NEK9: variants seen among roughly 807,000 people sequenced by gnomAD.
The protein encoded by NEK9 is NIMA related kinase 9, also known as serine/threonine-protein kinase Nek9.
Under a neutral mutation model 123.4 loss-of-function variants are expected in NEK9, and 75 were observed. That is an observed-to-expected ratio of 0.61 (90% CI 0.50 to 0.74). The LOEUF (loss-of-function observed/expected upper bound fraction) is 0.74, where lower values mean the gene tolerates loss of function less well. Ranked by LOEUF, NEK9 falls within the 30% of genes least tolerant of loss-of-function variation. NEK9 has a pLI of 0.00. For missense variants in NEK9, 952 were observed against 1,214.4 expected, an observed-to-expected ratio of 0.78 and a Z score of 3.21; for synonymous variants, 438 against 458.7, an observed-to-expected ratio of 0.95 and a Z score of 0.58.
chr14:75,124,372 A>T, intron 1 of NEK9, 149 bp from the exon 2 acceptor site: 1 of 609,186 alleles, frequency 1.6e-6, no homozygotes, highest in Non-Finnish European at 2.9e-6. Flanking sequence ...TTTAAAGGTT[A>T]TGTGTACAAT....
At chr14:75,112,713 C>T (rs12897094) in intron 8 of NEK9, among the ~76,000 whole-genome samples, 67,694 of 151,994 alleles carry the variant, frequency 0.45, 16,418 homozygotes, top group East Asian at 0.84. Context: ...TCCTAGCTAC[C>T]TGGGAGGCTG....
intron 18 of NEK9, among the ~76,000 whole-genome samples, chr14:75,092,819 A>G (rs986092835): frequency 2.6e-5 from 4 of 151,760 alleles, no homozygotes; most frequent in Admixed American, 6.6e-5. Flanking sequence ...CTTACTCCTC[A>G]GGGATCCTTG....
At chr14:75,106,183 C>T (rs1253604593) in intron 12 of NEK9, 187 bp from the exon 13 acceptor site, 4 of 606,876 alleles carry the variant, frequency 6.6e-6, no homozygotes, top group Non-Finnish European at 1.2e-5. Context: ...TGTGGTGAAA[C>T]CCCATCTCTA....
intron 21 of NEK9, 173 bp from the exon 22 acceptor site, chr14:75,084,859 C>CCTG: frequency 2.8e-6 from 2 of 716,476 alleles, no homozygotes; most frequent in South Asian, 1.9e-5. Context: ...CAGTCCATAC[C>CCTG]TTTATATTTA....
chr14:75,111,506 TTCCAA>T (rs1323542761), intron 8 of NEK9, among the ~76,000 whole-genome samples: 1 of 152,232 alleles, frequency 6.6e-6, no homozygotes, highest in Non-Finnish European at 1.5e-5. Context: ...AAGTACAAAG[TTCCAA>T]CAAAGTATTG....
chr14:75,104,441 C>T (rs1214668360), intron 13 of NEK9, among the ~76,000 whole-genome samples: 2 of 151,212 alleles, frequency 1.3e-5, no homozygotes, highest in South Asian at 2.1e-4. Flanking sequence ...GCTGGGATTA[C>T]AGGTGTGAGC....
At chr14:75,103,055 AG>A (rs1379711904) in intron 14 of NEK9, among the ~76,000 whole-genome samples, 1 of 142,498 alleles carries the variant, frequency 7.0e-6, no homozygotes, top group Non-Finnish European at 1.5e-5. Context: ...GGGTGGGGGA[AG>A]GGGGGAGGGA....
chr14:75,120,682 G>A, intron 3 of NEK9, 102 bp from the exon 4 acceptor site: 2 of 875,780 alleles, frequency 2.3e-6, no homozygotes, highest in Admixed American at 2.4e-5. Flanking sequence ...GCAACCAGAA[G>A]TTATGATTCA....
At position 75,127,035 on chromosome 14, in the gene NEK9, C is replaced by A; in HGVS notation, c.-114G>T. 2.3e-6 allele frequency: 2 copies of A among 851,450 alleles called. No individual in the cohort carries two copies. 52.7% of individuals were successfully genotyped at this position (851,450 alleles called of 1,614,324 possible). Reference sequence around the variant, plus strand: ...CGGATCCGTCAGCCCAGCAACCCCGCGAAGCTCGATGGTGGCTCCTGCCCC... The same window carrying A: ...CGGATCCGTCAGCCCAGCAACCCCGAGAAGCTCGATGGTGGCTCCTGCCCC... On this transcript the variant is annotated 5_prime_UTR_variant, in exon 1 of 22. Transcript: ENST00000238616.
At position 75,126,960 on chromosome 14, in the gene NEK9, C is replaced by T; in HGVS notation, c.-39G>A. ...GGCCTTGGGGACCAGCCTGCGTATG[C>T]CCGGAGGCCCTGGCCGCGCTGCGTC... On this transcript the variant is annotated 5_prime_UTR_variant, in exon 1 of 22. Transcript: ENST00000238616. 2 of 1,394,072 alleles carry T rather than the reference C, an allele frequency of 1.4e-6. No homozygotes were observed. Among genetic ancestry groups the T allele is most frequent in the Non-Finnish European group, 1.9e-6 (2 of 1,063,548 alleles). 86.4% of individuals were successfully genotyped at this position (1,394,072 alleles called of 1,614,324 possible).
Position 75,095,515 on chromosome 14 carries a change from G to A in NEK9, c.2174-84C>T, listed in dbSNP as rs1894354310. 3 of 839,436 alleles carry A rather than the reference G, an allele frequency of 3.6e-6. No individual in the cohort carries two copies. In the Admixed American group the frequency reaches 6.5e-5, roughly 18 times the overall value. The allele number at this position is 839,436 out of a possible 1,614,324, so 52.0% of individuals were successfully genotyped here. A position where few individuals can be genotyped will look rare whatever the true frequency, so the allele number is the denominator to read the frequency against. On this transcript the variant is annotated intron_variant, in intron 17 of 21. Transcript: ENST00000238616. Reference sequence around the variant, plus strand: ...AGAAGACTAGGATAGGGAGATAATTGCTCTCCTTGACTCCAGATAACTTTA... The same window carrying A: ...AGAAGACTAGGATAGGGAGATAATTACTCTCCTTGACTCCAGATAACTTTA...
At position 75,082,219 on chromosome 14, in the gene NEK9, A is replaced by G. The variant is rs1041049883; in HGVS notation, c.*2345T>C. 4 of 152,252 alleles carry G rather than the reference A, an allele frequency of 2.6e-5. No homozygotes were observed. Among genetic ancestry groups the G allele is most frequent in the African/African-American group, 9.6e-5 (4 of 41,460 alleles). 9.4% of individuals were successfully genotyped at this position (152,252 alleles called of 1,614,324 possible). On this transcript the variant is annotated 3_prime_UTR_variant, in exon 22 of 22. Coordinates refer to ENST00000238616, the MANE Select transcript of NEK9 (RefSeq NM_033116.6). ...AACAATAAACTAGTTCTTCTGCAAC[A>G]ATGTTAGAGCAGAGGAGTAACTCAG... is the stretch of plus-strand genomic sequence containing the variant.
At chr14:75,094,617 T>C (rs546419462) in intron 18 of NEK9, among the ~76,000 whole-genome samples, 90 of 151,712 alleles carry the variant, frequency 5.9e-4, no homozygotes, top group African/African-American at 2.0e-3. Flanking sequence ...CCAAACCTAC[T>C]AAAAATACAA....
intron 10 of NEK9, among the ~76,000 whole-genome samples, chr14:75,108,516 T>C (rs1346409890): frequency 3.2e-4 from 1 of 3,166 alleles, no homozygotes; most frequent in Non-Finnish European, 2.5e-3. Context: ...TGCGTGTGCG[T>C]GTGTGTGTGT....
chr14:75,089,776 G>A (rs2139720027), intron 19 of NEK9, among the ~76,000 whole-genome samples: 1 of 151,628 alleles, frequency 6.6e-6, no homozygotes, highest in Non-Finnish European at 1.5e-5. Flanking sequence ...TCGGCTCACT[G>A]CAACCTCCAC....
intron 1 of NEK9, among the ~76,000 whole-genome samples, chr14:75,125,542 T>C (rs976045587): frequency 6.6e-6 from 1 of 152,224 alleles, no homozygotes; most frequent in Non-Finnish European, 1.5e-5. Context: ...ACTTGTAACT[T>C]AAGTGAGCAA....
chr14:75,093,506 TACA>T (rs1327072045), intron 18 of NEK9, among the ~76,000 whole-genome samples: 2 of 152,202 alleles, frequency 1.3e-5, no homozygotes, highest in Non-Finnish European at 1.5e-5. Context: ...AGGCTGGCTG[TACA>T]GTGGCGCAAT....
In NEK9 at chr14:75,126,785, T is replaced by C. The variant is rs934598429; in HGVS notation, c.137A>G (p.Glu46Gly). Residue 46 changes from glutamate (E) to glycine (G), a missense_variant, in exon 1 of 22, where the codon GAG becomes GGG. By Grantham distance (98) the Glu-to-Gly change is moderately conservative (BLOSUM62 -2). Transcript: ENST00000238616. ...QGPRAGGGAA[E>G]QEELHYIPIR... ...GGGGATGTAGTGCAGTTCCTCCTGC[T>C]CCGCCGCGCCGCCGCCGGCTCGCGG... 1.3e-6 allele frequency: 2 copies of C among 1,531,410 alleles called. No homozygotes were observed. The highest frequency in any genetic ancestry group is 8.8e-7 in the Non-Finnish European group (1 of 1,140,056). The allele number at this position is 1,531,410 out of a possible 1,614,324, so 94.9% of individuals were successfully genotyped here. A position where few individuals can be genotyped will look rare whatever the true frequency, so the allele number is the denominator to read the frequency against.
chr14:75,121,617 G>A (rs72736242), intron 2 of NEK9, among the ~76,000 whole-genome samples: 7,127 of 152,296 alleles, frequency 0.047, 191 homozygotes, highest in African/African-American at 0.054. Flanking sequence ...GGGAGGCTGA[G>A]GTGGGCAAAT....
Sources: gnomAD v4.1 joint callset for allele counts (sites outside exome capture counted in the v4.1 genomes callset) on GRCh38, gnomAD v4.1.1 for gene constraint, MANE v1.5 for transcripts, NCBI Gene and HGNC (gene_info 2026-07-23, HGNC 2026-07-21) for gene names.